The following KCNB2 variants were observed in gnomAD, a reference collection of about 807,000 sequenced individuals.
KCNB2 encodes the protein potassium voltage-gated channel subfamily B member 2.
A neutral mutation model predicts 61.5 loss-of-function variants in KCNB2; 15 were observed. The observed-to-expected ratio is 0.24, with a 90% confidence interval of 0.16 to 0.38. The LOEUF is 0.38. Ranked by LOEUF, KCNB2 falls within the 10% of genes least tolerant of loss-of-function variation. The pLI, the probability that KCNB2 is intolerant of heterozygous loss-of-function variation, is 1.00. For missense variants in KCNB2, 828 were observed against 1,125.2 expected, an observed-to-expected ratio of 0.74 and a Z score of 3.78; for synonymous variants, 457 against 446.0, an observed-to-expected ratio of 1.02 and a Z score of -0.31.
chr8:72,909,440 A>G (rs1467534539), intron 2 of KCNB2, among the ~76,000 whole-genome samples: 1 of 152,158 alleles, frequency 6.6e-6, no homozygotes, highest in African/African-American at 2.4e-5. Flanking sequence ...AGGAAGGCAC[A>G]GGGGCAAAAG....
intron 2 of KCNB2, among the ~76,000 whole-genome samples, chr8:72,635,944 C>A (rs977491769): frequency 2.0e-5 from 3 of 152,152 alleles, no homozygotes; most frequent in African/African-American, 4.8e-5. Flanking sequence ...TTCCTTTGTG[C>A]CTCAGTTTCC....
chr8:72,688,549 C>G (rs1346153892), intron 2 of KCNB2, among the ~76,000 whole-genome samples: 1 of 151,988 alleles, frequency 6.6e-6, no homozygotes, highest in African/African-American at 2.4e-5. Flanking sequence ...TGTCTGTCTC[C>G]CCACTGCACC....
chr8:72,568,212 C>G lies in KCNB2; in HGVS notation c.478C>G (p.Arg160Gly), dbSNP rs748825911. The G allele has an allele frequency of 3.7e-6, 6 of 1,614,010 alleles. No homozygotes were observed. Among genetic ancestry groups the G allele is most frequent in the Non-Finnish European group, 5.1e-6 (6 of 1,180,016 alleles). Residue 160 changes from arginine to glycine, a missense_variant, in exon 2 of 3, where the codon CGA (arginine) becomes GGA (glycine). Physicochemically the swap from Arg to Gly is moderately radical, Grantham distance 125. Coordinates refer to ENST00000523207, the MANE Select transcript of KCNB2 (RefSeq NM_004770.3). ...EELRREAETM[R>G]EREGEEFDNT... ...ACTGAGGCGAGAGGCAGAGACTATG[C>G]GAGAGCGAGAAGGAGAAGAGTTTGA...
In KCNB2 at chr8:72,687,829, T is replaced by C. The variant is rs142704492; in HGVS notation, c.579+119516T>C. The stretch of plus-strand genomic sequence containing the variant: ...AATAAGGTGCATGATGCCTCCATAT[T>C]CCATGTTTTAGAGGCCCAGAAATGG... On this transcript the variant is annotated intron_variant, in intron 2 of 2. Coordinates refer to ENST00000523207, the MANE Select transcript of KCNB2 (RefSeq NM_004770.3). 2.1e-3 allele frequency among the ~76,000 whole-genome samples: 318 copies of C among 152,282 alleles called. 3 individuals are homozygous for C. Among genetic ancestry groups the C allele is most frequent in the African/African-American group, 7.2e-3 (299 of 41,556 alleles).
At chr8:72,915,050 A>G (rs1468235726) in intron 2 of KCNB2, among the ~76,000 whole-genome samples, 7 of 151,918 alleles carry the variant, frequency 4.6e-5, no homozygotes. Context: ...GATTACAGGC[A>G]TGCACCACCA....
At chr8:72,777,505 T>C (rs1332924780) in intron 2 of KCNB2, among the ~76,000 whole-genome samples, 2 of 152,106 alleles carry the variant, frequency 1.3e-5, no homozygotes, top group Non-Finnish European at 1.5e-5. Context: ...CTTAGAAAAA[T>C]CACTCTCATT....
At chr8:72,920,477 A>ATATATATATATGTGTG (rs1806499814) in intron 2 of KCNB2, among the ~76,000 whole-genome samples, 1 of 37,704 alleles carries the variant, frequency 2.7e-5, no homozygotes, top group African/African-American at 8.5e-5. Flanking sequence ...ATCTATCTAT[A>ATATATATATATGTGTG]TATATATATA....
chr8:72,822,251 G>A (rs1809524787), intron 2 of KCNB2, among the ~76,000 whole-genome samples: 1 of 152,202 alleles, frequency 6.6e-6, no homozygotes, highest in East Asian at 1.9e-4. Flanking sequence ...AGTGTTTGCT[G>A]GTTAATTGTA....
chr8:72,935,781 G>A (rs1806891672), intron 2 of KCNB2, among the ~76,000 whole-genome samples, 154 bp from the exon 3 acceptor site: 1 of 152,106 alleles, frequency 6.6e-6, no homozygotes, highest in South Asian at 2.1e-4. Context: ...ATTTGTGTTA[G>A]TTAGGGAATT....
At chr8:72,908,587 G>T (rs1268390516) in intron 2 of KCNB2, among the ~76,000 whole-genome samples, 4 of 152,216 alleles carry the variant, frequency 2.6e-5, no homozygotes, top group African/African-American at 9.7e-5. Context: ...GGCAGGGAAA[G>T]TAGATGAGAC....
At position 72,567,780 on chromosome 8, in the gene KCNB2, T is replaced by G. The variant is rs761692216; in HGVS notation, c.46T>G (p.Ser16Ala). The G allele has an allele frequency of 6.2e-7, 1 of 1,607,116 alleles. No individual in the cohort carries two copies. Among genetic ancestry groups the G allele is most frequent in the Non-Finnish European group, 8.5e-7 (1 of 1,177,092 alleles). The change falls in exon 2 of 3, where the codon TCG becomes GCG. Residue 16 changes from serine (S) to alanine (A), a missense_variant. By Grantham distance (99) the Ser-to-Ala change is moderately conservative (BLOSUM62 1). Around this residue, in one of 4 missense-constraint regions of KCNB2, gnomAD observed 62 missense variants for 54.8 expected, o/e 1.13. Coordinates refer to ENST00000523207, the MANE Select transcript of KCNB2 (RefSeq NM_004770.3). ...PPGLNRKTSR[S>A]TLSLPPEPVD... is the part of the protein sequence containing the mutation. ...GGGCTTAAACAGGAAGACTTCAAGG[T>G]CGACACTTTCCCTTCCTCCAGAGCC...
chr8:72,927,537 C>T lies in KCNB2; in HGVS notation c.580-8398C>T, dbSNP rs141645684. On this transcript the variant is annotated intron_variant, in intron 2 of 2. Coordinates refer to ENST00000523207, the MANE Select transcript of KCNB2 (RefSeq NM_004770.3). ...CCACCGGACTTGGTCTCCCAAAGTGCGGGGATTACAGGCATGAGCCACTGC... is the reference window on the plus strand; with the variant it reads ...CCACCGGACTTGGTCTCCCAAAGTGTGGGGATTACAGGCATGAGCCACTGC... Among the ~76,000 whole-genome samples, 305 of 152,256 alleles carry T rather than the reference C, an allele frequency of 2.0e-3. 1 individual carries two copies. Among genetic ancestry groups the T allele is most frequent in the Admixed American group, 8.2e-3 (126 of 15,274 alleles).
At chr8:72,802,072 T>A (rs890449569) in intron 2 of KCNB2, among the ~76,000 whole-genome samples, 1 of 152,210 alleles carries the variant, frequency 6.6e-6, no homozygotes, top group South Asian at 2.1e-4. Context: ...TCCTCCTACC[T>A]AATTCATCCC....
At chr8:72,559,351 C>G (rs1054378066) in intron 1 of KCNB2, among the ~76,000 whole-genome samples, 6 of 151,880 alleles carry the variant, frequency 4.0e-5, no homozygotes, top group African/African-American at 1.5e-4. Flanking sequence ...CACCGTGTTT[C>G]CCAGGCTGAT....
intron 2 of KCNB2, among the ~76,000 whole-genome samples, chr8:72,618,095 T>A (rs16938261): frequency 0.13 from 19,264 of 151,912 alleles, 1,688 homozygotes; most frequent in East Asian, 0.51. Flanking sequence ...TGTGGCTGCA[T>A]CTGTATGGTG....
intron 1 of KCNB2, among the ~76,000 whole-genome samples, chr8:72,545,987 C>T (rs145326765): frequency 8.3e-4 from 127 of 152,284 alleles, no homozygotes; most frequent in African/African-American, 2.8e-3. Context: ...TAACTCTCTT[C>T]AATTCCATGA....
intron 2 of KCNB2, among the ~76,000 whole-genome samples, chr8:72,679,460 G>A (rs761255135): frequency 1.2e-4 from 18 of 152,134 alleles, no homozygotes; most frequent in Non-Finnish European, 2.1e-4. Context: ...TTTCTCAAGC[G>A]TTTCCACTGA....
chr8:72,847,134 C>G (rs56208051), intron 2 of KCNB2, among the ~76,000 whole-genome samples: 1 of 152,120 alleles, frequency 6.6e-6, no homozygotes, highest in South Asian at 2.1e-4. Flanking sequence ...ACCTGCAGAC[C>G]GGAGCTGTTC....
At chr8:72,576,141 A>G (rs1405575107) in intron 2 of KCNB2, among the ~76,000 whole-genome samples, 1 of 152,240 alleles carries the variant, frequency 6.6e-6, no homozygotes, top group Non-Finnish European at 1.5e-5. Context: ...TCATGAAATA[A>G]CCATAGATTA....
Sources: gnomAD v4.1 joint callset for allele counts (sites outside exome capture counted in the v4.1 genomes callset) on GRCh38, gnomAD v4.1.1 for gene constraint, gnomAD v4.1.1 regional missense constraint, MANE v1.5 for transcripts, NCBI Gene and HGNC (gene_info 2026-07-23, HGNC 2026-07-21) for gene names.